The following CRYBG3 variants were observed in gnomAD, a reference collection of about 807,000 sequenced individuals.
The protein encoded by CRYBG3 is very large A-kinase anchor protein.
In CRYBG3, 127 loss-of-function variants were observed where a neutral mutation model predicts 244.2. That is an observed-to-expected ratio of 0.52 (90% CI 0.45 to 0.60). CRYBG3 has a LOEUF of 0.60. CRYBG3 is among the 20% of genes least tolerant of loss of function. CRYBG3 has a pLI of 0.00. For missense variants in CRYBG3, 3,325 were observed against 3,442.5 expected, an observed-to-expected ratio of 0.97 and a Z score of 0.85; for synonymous variants, 1,132 against 1,195.8, an observed-to-expected ratio of 0.95 and a Z score of 1.10.
intron 2 of CRYBG3, among the ~76,000 whole-genome samples, chr3:97,862,501 C>A (rs565552639): frequency 6.6e-6 from 1 of 152,012 alleles, no homozygotes; most frequent in Non-Finnish European, 1.5e-5. Context: ...TTCTTTTTGA[C>A]CTGGGGAGAA....
chr3:97,929,626 A>C (rs1490629551), intron 17 of CRYBG3, among the ~76,000 whole-genome samples: 2 of 152,028 alleles, frequency 1.3e-5, no homozygotes, highest in Non-Finnish European at 2.9e-5. Context: ...TAGTTGGACC[A>C]CATAATGATA....
intron 2 of CRYBG3, among the ~76,000 whole-genome samples, chr3:97,848,319 A>T (rs1448863878): frequency 6.6e-6 from 1 of 152,084 alleles, no homozygotes. Context: ...TTTTTTTGAG[A>T]TGGAGTCTCG....
chr3:97,870,292 C>T (rs2039286557), intron 3 of CRYBG3, among the ~76,000 whole-genome samples: 1 of 152,146 alleles, frequency 6.6e-6, no homozygotes. Flanking sequence ...TCACCCTCTT[C>T]CCATCCTCCC....
chr3:97,899,094 T>C (rs762574978), intron 13 of CRYBG3, 43 bp from the exon 14 acceptor site: 3 of 1,600,722 alleles, frequency 1.9e-6, no homozygotes, highest in Admixed American at 1.7e-5. Context: ...CAATTGTATA[T>C]CACTTGTTTT....
chr3:97,857,357 T>A (rs553686605), intron 2 of CRYBG3, among the ~76,000 whole-genome samples: 1 of 152,172 alleles, frequency 6.6e-6, no homozygotes, highest in South Asian at 2.1e-4. Flanking sequence ...AGCTATTAGA[T>A]GAAATGTTGT....
At chr3:97,927,963 G>A (rs2040057716) in intron 17 of CRYBG3, among the ~76,000 whole-genome samples, 1 of 151,998 alleles carries the variant, frequency 6.6e-6, no homozygotes, top group South Asian at 2.1e-4. Flanking sequence ...GTAGGAATGT[G>A]CATTAGTTCA....
intron 3 of CRYBG3, chr3:97,867,012 G>T (rs1253664802): frequency 6.6e-6 from 1 of 152,146 alleles, no homozygotes; most frequent in Non-Finnish European, 1.5e-5. Context: ...CTGTCAATAT[G>T]CCTAAGAATT....
chr3:97,918,461 T>C (rs528041806), intron 17 of CRYBG3, among the ~76,000 whole-genome samples: 1 of 152,284 alleles, frequency 6.6e-6, no homozygotes, highest in South Asian at 2.1e-4. Flanking sequence ...CTCAGTTAAT[T>C]CTTCTGTAAA....
intron 17 of CRYBG3, among the ~76,000 whole-genome samples, chr3:97,930,355 A>G (rs1282664513): frequency 1.3e-5 from 2 of 152,088 alleles, no homozygotes; most frequent in African/African-American, 2.4e-5. Flanking sequence ...GTTGAAAAAA[A>G]TCCACCAATA....
chr3:97,892,548 A>T (rs2108233484), intron 10 of CRYBG3, among the ~76,000 whole-genome samples: 1 of 152,220 alleles, frequency 6.6e-6, no homozygotes, highest in Non-Finnish European at 1.5e-5. Flanking sequence ...TTATTCTTGC[A>T]TCATTTTTAG....
At chr3:97,867,327 AAG>A (rs1025471790) in intron 3 of CRYBG3, among the ~76,000 whole-genome samples, 2 of 152,210 alleles carry the variant, frequency 1.3e-5, no homozygotes, top group Non-Finnish European at 2.9e-5. Context: ...TTATGCTTTG[AAG>A]AGAGTGAGCA....
At chr3:97,889,688 A>G (rs1158520043) in intron 10 of CRYBG3, among the ~76,000 whole-genome samples, 2 of 152,098 alleles carry the variant, frequency 1.3e-5, no homozygotes, top group Non-Finnish European at 2.9e-5. Flanking sequence ...TTTTGAGGGA[A>G]GGGACTTGAG....
chr3:97,867,122 G>C (rs1198021378), intron 3 of CRYBG3: 1 of 152,182 alleles, frequency 6.6e-6, no homozygotes, highest in East Asian at 1.9e-4. Flanking sequence ...AGACCAGCCT[G>C]ACCAACATGG....
chr3:97,937,306 C>T (rs2107104590), intron 19 of CRYBG3, among the ~76,000 whole-genome samples: 1 of 152,134 alleles, frequency 6.6e-6, no homozygotes, highest in Middle Eastern at 3.4e-3. Context: ...ATTTATTGCA[C>T]ACCTACTGCT....
chr3:97,874,060 A>G lies in CRYBG3; in HGVS notation c.2866A>G (p.Met956Val). Residue 956 changes from methionine to valine, a missense_variant, in exon 4 of 22, where the codon ATG becomes GTG. Transcript: ENST00000389622. ...TCATGATGAAAAAATCAGTAGGCAA[A>G]TGGCGCAGAATTGTGAAGCTCACAC... is the stretch of plus-strand genomic sequence containing the variant. ...PIHDEKISRQ[M>V]AQNCEAHTCV... 1.3e-6 allele frequency: 2 copies of G among 1,535,882 alleles called. No homozygotes were observed. Among genetic ancestry groups the G allele is most frequent in the Non-Finnish European group, 1.7e-6 (2 of 1,146,816 alleles).
At chr3:97,919,463 T>C (rs1354526004) in intron 17 of CRYBG3, among the ~76,000 whole-genome samples, 1 of 152,140 alleles carries the variant, frequency 6.6e-6, no homozygotes, top group African/African-American at 2.4e-5. Flanking sequence ...AAAAATTACA[T>C]GACTAATAAT....
At chr3:97,886,535 A>T in intron 7 of CRYBG3, 96 bp from the exon 8 acceptor site, 2 of 828,724 alleles carry the variant, frequency 2.4e-6, no homozygotes, top group Non-Finnish European at 3.5e-6. Context: ...ATTCAACTCA[A>T]TAATGAGAAC....
At chr3:97,902,087 C>T (rs530442212) in intron 15 of CRYBG3, among the ~76,000 whole-genome samples, 1 of 152,192 alleles carries the variant, frequency 6.6e-6, no homozygotes, top group Admixed American at 6.5e-5. Context: ...ACGCTGGTTC[C>T]GTTCAATAAC....
At chr3:97,887,550 G>A (rs922060661) in intron 8 of CRYBG3, among the ~76,000 whole-genome samples, 22 of 152,046 alleles carry the variant, frequency 1.4e-4, no homozygotes, top group African/African-American at 3.1e-4. Flanking sequence ...TCAGGAGTTC[G>A]AGACCAGCCT....
Sources: allele counts gnomAD v4.1 joint callset (sites outside exome capture counted in the v4.1 genomes callset), GRCh38; gene constraint gnomAD v4.1.1; transcripts MANE v1.5; gene names NCBI Gene and HGNC (gene_info 2026-07-23, HGNC 2026-07-21).